Variants in PPP1R14A observed in about 807,000 individuals in gnomAD.
PPP1R14A encodes protein phosphatase 1 regulatory inhibitor subunit 14A, also known as protein phosphatase 1 regulatory subunit 14A.
In PPP1R14A, 9 loss-of-function variants were observed where a neutral mutation model predicts 14.1. That is an observed-to-expected ratio of 0.64 (90% CI 0.38 to 1.11). The LOEUF is 1.11. PPP1R14A is among the 50% of genes most tolerant of loss of function. The pLI is 0.01. For missense variants in PPP1R14A, 208 were observed against 200.7 expected (o/e 1.04, Z -0.22); for synonymous variants, 93 against 88.7 (o/e 1.05, Z -0.27).
rs1009473256 is a variant in PPP1R14A at position 38,256,009 on chromosome 19, G to C, written c.201+130C>G. ...AGGCCAATGAGTGCCCGGCCCTGGG[G>C]CGCTCGTCCTCTTGTGCAGACCAGG... On this transcript the variant is annotated intron_variant, in intron 1 of 3. Transcript: ENST00000301242. The surrounding 1 kb of genome is among the most constrained non-coding windows in gnomAD (Gnocchi z 5.7). The C allele has an allele frequency of 1.2e-6, 1 of 815,042 alleles. No homozygotes were observed. Among genetic ancestry groups the C allele is most frequent in the African/African-American group, 1.8e-5 (1 of 56,824 alleles). The allele number at this position is 815,042 out of a possible 1,614,324, so 50.5% of individuals were successfully genotyped here.
chr19:38,251,478 G>A, intron 3 of PPP1R14A, 32 bp from the exon 4 acceptor site: 2 of 1,542,360 alleles, frequency 1.3e-6, no homozygotes, highest in South Asian at 1.2e-5. Context: ...GAGAACATGG[G>A]AACAGTGCGG....
intron 1 of PPP1R14A, among the ~76,000 whole-genome samples, chr19:38,255,103 G>A (rs1968232334): frequency 6.6e-6 from 1 of 151,948 alleles, no homozygotes; most frequent in Admixed American, 6.6e-5. Context: ...TTTTATGTCT[G>A]GGTGTAGTTA....
In PPP1R14A at chr19:38,252,454, A is replaced by G. The variant is rs1968201148; in HGVS notation, c.283-116T>C. ...GCAAGACAAATGGAAGTCAGACTCC[A>G]GGGTGGACTGCCCACCAAGCTTCAA... is the stretch of plus-strand genomic sequence containing the variant. On this transcript the variant is annotated intron_variant, in intron 2 of 3. Coordinates refer to ENST00000301242, the MANE Select transcript of PPP1R14A (RefSeq NM_033256.3). The surrounding 1 kb of genome is among the most constrained non-coding windows in gnomAD (Gnocchi z 4.1). 9.8e-7 allele frequency: 1 copy of G among 1,024,984 alleles called. No individual in the cohort carries two copies. Among genetic ancestry groups the G allele is most frequent in the Non-Finnish European group, 1.5e-6 (1 of 677,684 alleles). 63.5% of individuals were successfully genotyped at this position (1,024,984 alleles called of 1,614,324 possible).
rs1968204138 is a variant in PPP1R14A at position 38,252,807 on chromosome 19, G to C, written c.282+87C>G. 2 of 985,410 alleles carry C rather than the reference G, an allele frequency of 2.0e-6. No individual in the cohort carries two copies. The allele number at this position is 985,410 out of a possible 1,614,324, so 61.0% of individuals were successfully genotyped here. On this transcript the variant is annotated intron_variant, in intron 2 of 3. Transcript: ENST00000301242. This position sits in a 1 kb window ranked among gnomAD's most constrained non-coding sequence, Gnocchi z 4.1. ...CCATCACACCAGTGCCCGGCATCTA[G>C]TGAGCACTCAGTAAACACGTGAACT...
intron 1 of PPP1R14A, 36 bp from the exon 2 acceptor site, chr19:38,253,010 T>G: frequency 6.7e-7 from 1 of 1,496,366 alleles, no homozygotes; most frequent in Non-Finnish European, 9.3e-7. Flanking sequence ...TAGGATCCCC[T>G]TCCCTCCCTC....
chr19:38,252,916 T>G lies in PPP1R14A; in HGVS notation c.260A>C (p.Glu87Ala). Residue 87 changes from glutamate to alanine, a missense_variant, in exon 2 of 4, where the codon GAG becomes GCG. By Grantham distance (107) the Glu-to-Ala change is moderately radical. Transcript: ENST00000301242. The surrounding 1 kb of genome is among the most constrained non-coding windows in gnomAD (Gnocchi z 4.1). ...IDELLELESE[E>A]ERSRKIQGLL... Reference sequence around the variant, plus strand: ...TACCTGGATTTTCCGGCTTCTCTCCTCTTCACTCTCTAACTCCAACAATTC... The same window carrying G: ...TACCTGGATTTTCCGGCTTCTCTCCGCTTCACTCTCTAACTCCAACAATTC... 1 of 1,614,026 alleles carries G rather than the reference T, an allele frequency of 6.2e-7. No homozygotes were observed. Among genetic ancestry groups the G allele is most frequent in the South Asian group, 1.1e-5 (1 of 91,076 alleles).
chr19:38,251,589 T>C (rs557575517), intron 3 of PPP1R14A, 143 bp from the exon 4 acceptor site: 4 of 569,006 alleles, frequency 7.0e-6, no homozygotes, highest in Non-Finnish European at 1.2e-5. Flanking sequence ...GCTATAGACA[T>C]AGAGAGAAAA....
At position 38,252,523 on chromosome 19, in the gene PPP1R14A, G is replaced by A. The variant is rs1019348662; in HGVS notation, c.283-185C>T. ...GGGGCATGTGGATCGACTCAGGGCAGGGGTGAGTTACTAGATCCAGAGAGG... is the reference window on the plus strand; with the variant it reads ...GGGGCATGTGGATCGACTCAGGGCAAGGGTGAGTTACTAGATCCAGAGAGG... On this transcript the variant is annotated intron_variant, in intron 2 of 3. Transcript: ENST00000301242. The surrounding 1 kb of genome is among the most constrained non-coding windows in gnomAD (Gnocchi z 4.1). Among the ~76,000 whole-genome samples, 1 of 152,122 alleles carries A rather than the reference G, an allele frequency of 6.6e-6. No individual in the cohort carries two copies. The highest frequency in any genetic ancestry group is 1.5e-5 in the Non-Finnish European group (1 of 68,028).
rs1388902720 is a variant in PPP1R14A, at chr19:38,252,264, T to C, written c.315+42A>G. ...TCTTCCCCCTCCCCCATCAGAGTAC[T>C]TGGGGCCAGAACAGGGAGAGAATGA... On this transcript the variant is annotated intron_variant, in intron 3 of 3. Coordinates refer to ENST00000301242, the MANE Select transcript of PPP1R14A (RefSeq NM_033256.3). This position sits in a 1 kb window ranked among gnomAD's most constrained non-coding sequence, Gnocchi z 4.1. 3 of 1,599,602 alleles carry C rather than the reference T, an allele frequency of 1.9e-6. No homozygotes were observed. The highest frequency in any genetic ancestry group is 2.6e-6 in the Non-Finnish European group (3 of 1,170,500).
chr19:38,253,825 A>C (rs951718548), intron 1 of PPP1R14A, among the ~76,000 whole-genome samples: 3 of 152,322 alleles, frequency 2.0e-5, no homozygotes, highest in African/African-American at 7.2e-5. Flanking sequence ...TGCCAGGGCC[A>C]CAGCCTGATG....
intron 1 of PPP1R14A, among the ~76,000 whole-genome samples, chr19:38,255,755 T>C (rs1968240834): frequency 6.6e-6 from 1 of 152,082 alleles, no homozygotes; most frequent in Admixed American, 6.6e-5. Flanking sequence ...GCCGTGGGTC[T>C]CTGTGTGGCT....
intron 1 of PPP1R14A, 145 bp from the exon 2 acceptor site, chr19:38,253,119 A>G: frequency 1.6e-6 from 1 of 644,494 alleles, no homozygotes; most frequent in Non-Finnish European, 2.7e-6. Flanking sequence ...CAGCACTGCC[A>G]AGACGGGACA....
At chr19:38,251,779 A>C in intron 3 of PPP1R14A, 1 of 394,296 alleles carries the variant, frequency 2.5e-6, no homozygotes, top group Non-Finnish European at 4.5e-6. Flanking sequence ...ACAGAGAAAG[A>C]AACAGAGACA....
rs1007185991 is a variant in PPP1R14A, at chr19:38,256,025, G to A, written c.201+114C>T. The A allele has an allele frequency of 1.0e-6, 1 of 985,528 alleles. No homozygotes were observed. The allele number at this position is 985,528 out of a possible 1,614,324, so 61.0% of individuals were successfully genotyped here. ...GGCCCTGGGGCGCTCGTCCTCTTGT[G>A]CAGACCAGGCTGGCCGTGCACCAGC... is the stretch of plus-strand genomic sequence containing the variant. On this transcript the variant is annotated intron_variant, in intron 1 of 3. Transcript: ENST00000301242. This position sits in a 1 kb window ranked among gnomAD's most constrained non-coding sequence, Gnocchi z 5.7.
rs1321115829 is a variant in PPP1R14A at position 38,256,132 on chromosome 19, G to A, written c.201+7C>T. The A allele has an allele frequency of 3.9e-6, 6 of 1,539,856 alleles. No homozygotes were observed. Among genetic ancestry groups the A allele is most frequent in the Non-Finnish European group, 4.4e-6 (5 of 1,148,296 alleles). On this transcript the variant is annotated splice_region_variant and intron_variant, in intron 1 of 3. Coordinates refer to ENST00000301242, the MANE Select transcript of PPP1R14A (RefSeq NM_033256.3). This position sits in a 1 kb window ranked among gnomAD's most constrained non-coding sequence, Gnocchi z 5.7. ...CCCGACCACCCCCGAGCCCTCCCCGGGCTCACCATGCCGCGGTACAGCTCC... is the reference window on the plus strand; with the variant it reads ...CCCGACCACCCCCGAGCCCTCCCCGAGCTCACCATGCCGCGGTACAGCTCC...
chr19:38,251,486 C>T (rs538735299), intron 3 of PPP1R14A, 40 bp from the exon 4 acceptor site: 13 of 1,497,916 alleles, frequency 8.7e-6, no homozygotes, highest in Middle Eastern at 2.0e-4. Context: ...GGGAACAGTG[C>T]GGGGGCACCC....
At chr19:38,255,557 G>A (rs1004534438) in intron 1 of PPP1R14A, among the ~76,000 whole-genome samples, 2 of 152,240 alleles carry the variant, frequency 1.3e-5, no homozygotes, top group Admixed American at 6.5e-5. Flanking sequence ...GTCTGCCTAC[G>A]GCTGTGGCCC....
At position 38,256,340 on chromosome 19, in the gene PPP1R14A, C is replaced by T; in HGVS notation, c.-1G>A. The T allele has an allele frequency of 6.7e-7, 1 of 1,484,086 alleles. No individual in the cohort carries two copies. The highest frequency in any genetic ancestry group is 1.3e-5 in the South Asian group (1 of 76,152). 91.9% of individuals were successfully genotyped at this position (1,484,086 alleles called of 1,614,324 possible). A position where few individuals can be genotyped will look rare whatever the true frequency, so the allele number is the denominator to read the frequency against. ...GCTTGCCCAGCCGCTGAGCTGCCAT[C>T]GCGCTGCTGGACCCAGCCTGGCCCC... On this transcript the variant is annotated 5_prime_UTR_variant, in exon 1 of 4. Coordinates refer to ENST00000301242, the MANE Select transcript of PPP1R14A (RefSeq NM_033256.3). This position sits in a 1 kb window ranked among gnomAD's most constrained non-coding sequence, Gnocchi z 5.7.
rs1968244403 is a variant in PPP1R14A at position 38,256,074 on chromosome 19, G to A, written c.201+65C>T. Reference sequence around the variant, plus strand: ...GCGAGTGTGCACCGAGACCCCAAGGGCGTGGGGTCTCCGCGCCCGGGCTCT... The same window carrying A: ...GCGAGTGTGCACCGAGACCCCAAGGACGTGGGGTCTCCGCGCCCGGGCTCT... On this transcript the variant is annotated intron_variant, in intron 1 of 3. Transcript: ENST00000301242. The surrounding 1 kb of genome is among the most constrained non-coding windows in gnomAD (Gnocchi z 5.7). The A allele has an allele frequency of 2.9e-6, 4 of 1,382,972 alleles. No homozygotes were observed. In the South Asian group the frequency reaches 5.4e-5, roughly 19 times the overall value. The allele number at this position is 1,382,972 out of a possible 1,614,324, so 85.7% of individuals were successfully genotyped here. A position where few individuals can be genotyped will look rare whatever the true frequency, so the allele number is the denominator to read the frequency against.
Sources: gnomAD v4.1 joint callset for allele counts (sites outside exome capture counted in the v4.1 genomes callset) on GRCh38, gnomAD v4.1.1 for gene constraint, Gnocchi (gnomAD v3.1) non-coding constraint, MANE v1.5 for transcripts, NCBI Gene and HGNC (gene_info 2026-07-23, HGNC 2026-07-21) for gene names.